Variants in ELMO1 observed in about 807,000 individuals in gnomAD.
ELMO1 encodes the protein engulfment and cell motility protein 1.
In ELMO1, 26 loss-of-function variants were observed where a neutral mutation model predicts 98.9. The observed-to-expected ratio is 0.26, with a 90% confidence interval of 0.19 to 0.36. ELMO1 has a LOEUF of 0.36. Ranked by LOEUF, ELMO1 falls within the 10% of genes least tolerant of loss-of-function variation. ELMO1 has a pLI of 1.00. For synonymous variants in ELMO1, 346 were observed against 346.0 expected (o/e 1.00, Z 0.00); for missense variants, 627 against 935.2 (o/e 0.67, Z 4.30).
chr7:37,410,354 T>A (rs1803946962), intron 1 of ELMO1, among the ~76,000 whole-genome samples: 1 of 152,230 alleles, frequency 6.6e-6, no homozygotes, highest in African/African-American at 2.4e-5. Context: ...GGTATCCACA[T>A]AAAATTTAAT....
At chr7:36,970,259 C>T (rs137998065) in intron 16 of ELMO1, among the ~76,000 whole-genome samples, 121 of 151,728 alleles carry the variant, frequency 8.0e-4, no homozygotes, top group Middle Eastern at 6.8e-3. Flanking sequence ...GTCCTAATAC[C>T]TTCTTTGTTC....
At chr7:36,887,533 A>C in intron 18 of ELMO1, 27 bp downstream of exon 18, 1 of 1,609,442 alleles carries the variant, frequency 6.2e-7, no homozygotes, top group South Asian at 1.1e-5. Context: ...ACCCTATCCA[A>C]GTTTGGAGTG....
At chr7:37,055,746 C>T (rs1415267591) in intron 15 of ELMO1, among the ~76,000 whole-genome samples, 1 of 152,174 alleles carries the variant, frequency 6.6e-6, no homozygotes, top group Non-Finnish European at 1.5e-5. Context: ...CACAACTGGA[C>T]CACTGCATCC....
At chr7:37,408,043 T>C (rs2131485625) in intron 1 of ELMO1, among the ~76,000 whole-genome samples, 1 of 152,316 alleles carries the variant, frequency 6.6e-6, no homozygotes, top group African/African-American at 2.4e-5. Flanking sequence ...GTAAGTGAAT[T>C]TTACATTGGT....
chr7:37,294,554 T>C (rs991693856), intron 4 of ELMO1, among the ~76,000 whole-genome samples: 1 of 152,218 alleles, frequency 6.6e-6, no homozygotes, highest in Non-Finnish European at 1.5e-5. Flanking sequence ...AAAAGCTTTC[T>C]ACATTCTATT....
chr7:37,198,583 C>T lies in ELMO1; in HGVS notation c.1086+12803G>A, dbSNP rs374043222. Reference sequence around the variant, plus strand: ...AAGCTGGGATGCAAAACCAGGCAGTCTGGCACCAAAGGCTGCACTCGTAAA... The same window carrying T: ...AAGCTGGGATGCAAAACCAGGCAGTTTGGCACCAAAGGCTGCACTCGTAAA... On this transcript the variant is annotated intron_variant, in intron 13 of 21. Coordinates refer to ENST00000310758, the MANE Select transcript of ELMO1 (RefSeq NM_014800.11). 3.3e-5 allele frequency among the ~76,000 whole-genome samples: 5 copies of T among 152,360 alleles called. No homozygotes were observed. In the South Asian group the frequency reaches 1.0e-3, roughly 32 times the overall value.
At chr7:37,368,544 G>T (rs553042177) in intron 1 of ELMO1, among the ~76,000 whole-genome samples, 1 of 152,054 alleles carries the variant, frequency 6.6e-6, no homozygotes, top group Non-Finnish European at 1.5e-5. Flanking sequence ...CCAAAGAACC[G>T]GGAGGGACTC....
intron 3 of ELMO1, among the ~76,000 whole-genome samples, chr7:37,315,417 TA>T (rs1047668895): frequency 1.3e-5 from 2 of 151,378 alleles, no homozygotes; most frequent in East Asian, 1.9e-4. Context: ...AGTTCTGGTT[TA>T]AAAAAAAACA....
chr7:37,359,762 C>T (rs981650802), intron 1 of ELMO1, among the ~76,000 whole-genome samples: 13 of 152,216 alleles, frequency 8.5e-5, no homozygotes, highest in Non-Finnish European at 1.5e-5. Flanking sequence ...TTATCCCTGA[C>T]TCTGAAAGCC....
At chr7:36,939,172 T>A (rs1242804543) in intron 16 of ELMO1, among the ~76,000 whole-genome samples, 1 of 147,900 alleles carries the variant, frequency 6.8e-6, no homozygotes, top group East Asian at 1.9e-4. Flanking sequence ...AGAAATGAGT[T>A]TTTTTTTTTT....
intron 14 of ELMO1, among the ~76,000 whole-genome samples, chr7:37,104,010 CAAAAAAAAAAAAAAAAAAAAAAA>C (rs35979251): frequency 3.4e-5 from 1 of 29,002 alleles, no homozygotes; most frequent in Non-Finnish European, 8.3e-5. Context: ...GACTCCATCT[CAAAAAAAAAAAAAAAAAAAAAAA>C]AAAAAAAAAA....
At chr7:37,446,245 G>A (rs1805608513) in intron 1 of ELMO1, among the ~76,000 whole-genome samples, 1 of 152,178 alleles carries the variant, frequency 6.6e-6, no homozygotes, top group African/African-American at 2.4e-5. Flanking sequence ...AATCCATCCA[G>A]GTTCTGGAGC....
chr7:37,084,759 C>CTT (rs930490621), intron 15 of ELMO1, among the ~76,000 whole-genome samples: 8 of 142,012 alleles, frequency 5.6e-5, no homozygotes, highest in African/African-American at 7.7e-5. Context: ...AAGCAAATTC[C>CTT]TTTTTTTTTT....
chr7:37,016,932 C>T (rs1296494522), intron 15 of ELMO1, among the ~76,000 whole-genome samples: 1 of 152,098 alleles, frequency 6.6e-6, no homozygotes, highest in Admixed American at 6.5e-5. Flanking sequence ...CTCAATTAAC[C>T]CTGCCTCCAA....
intron 15 of ELMO1, among the ~76,000 whole-genome samples, chr7:37,035,773 T>G (rs1795141522): frequency 6.6e-6 from 1 of 152,224 alleles, no homozygotes; most frequent in African/African-American, 2.4e-5. Flanking sequence ...CATTTTTCAC[T>G]GTAATACACA....
intron 15 of ELMO1, among the ~76,000 whole-genome samples, chr7:37,049,795 G>C (rs1338552386): frequency 1.6e-5 from 1 of 61,540 alleles, no homozygotes; most frequent in African/African-American, 6.1e-5. Context: ...TTTTTTTTTT[G>C]AGATGGAGTT....
rs1215154575 is a variant in ELMO1 at position 37,153,289 on chromosome 7, T to A, written c.1087-20055A>T. ...GTTCATCTCACTGGGACTGGTTGAA[T>A]AGTGGATGCAGCCTATGGAGGGCGA... On this transcript the variant is annotated intron_variant, in intron 13 of 21. Coordinates refer to ENST00000310758, the MANE Select transcript of ELMO1 (RefSeq NM_014800.11). Among the ~76,000 whole-genome samples the A allele has an allele frequency of 5.3e-5, 8 of 152,052 alleles. No homozygotes were observed. The South Asian group carries it at 1.0e-3, about 20-fold the overall frequency.
intron 20 of ELMO1, among the ~76,000 whole-genome samples, chr7:36,866,099 G>A (rs1363031049): frequency 3.3e-5 from 5 of 152,206 alleles, no homozygotes; most frequent in African/African-American, 4.8e-5. Context: ...TCACTCTGGT[G>A]ATTTCATGTT....
chr7:37,145,124 A>T (rs1474803704), intron 13 of ELMO1, among the ~76,000 whole-genome samples: 1 of 152,216 alleles, frequency 6.6e-6, no homozygotes, highest in Non-Finnish European at 1.5e-5. Flanking sequence ...GCCCCACCCC[A>T]AGTCTCATCC....
Sources: gnomAD v4.1 joint callset for allele counts (sites outside exome capture counted in the v4.1 genomes callset) on GRCh38, gnomAD v4.1.1 for gene constraint, MANE v1.5 for transcripts, NCBI Gene and HGNC (gene_info 2026-07-23, HGNC 2026-07-21) for gene names.